The following CAPN8 variants were observed in gnomAD, a reference collection of about 807,000 sequenced individuals.
The protein encoded by CAPN8 is calpain-8.
CAPN8 carries 87 observed loss-of-function variants against 80.9 expected under a neutral mutation model. That is an observed-to-expected ratio of 1.07 (90% CI 0.90 to 1.28). The LOEUF is 1.28. Ranked by LOEUF, CAPN8 falls within the 50% of genes most tolerant of loss-of-function variation. The pLI, the probability that CAPN8 is intolerant of heterozygous loss-of-function variation, is 0.00. For missense variants in CAPN8, 757 were observed against 702.0 expected (o/e 1.08, Z -0.89); for synonymous variants, 299 against 273.8 (o/e 1.09, Z -0.91).
intron 9 of CAPN8, among the ~76,000 whole-genome samples, chr1:223,618,767 G>A (rs1657283275): frequency 6.6e-6 from 1 of 152,356 alleles, no homozygotes; most frequent in Admixed American, 6.5e-5. Flanking sequence ...ACATGGTTCA[G>A]GCTGCAGCTG....
intron 4 of CAPN8, 149 bp from the exon 5 acceptor site, chr1:223,627,306 T>G (rs1572242163): frequency 1.2e-6 from 1 of 840,470 alleles, no homozygotes; most frequent in East Asian, 2.7e-5. Flanking sequence ...GGAAGGTGCT[T>G]AGGCCACTGT....
intron 2 of CAPN8, among the ~76,000 whole-genome samples, chr1:223,631,487 T>G (rs1387087486): frequency 6.6e-6 from 1 of 152,106 alleles, no homozygotes. Flanking sequence ...TGTTTTTCTC[T>G]CTCCCTCATC....
At chr1:223,547,344 A>G (rs1656651842) in intron 16 of CAPN8, among the ~76,000 whole-genome samples, 1 of 152,242 alleles carries the variant, frequency 6.6e-6, no homozygotes, top group Admixed American at 6.5e-5. Flanking sequence ...TGTTCAGTAA[A>G]AAAAGTCAAT....
At chr1:223,661,124 C>T (rs909600018) in intron 1 of CAPN8, among the ~76,000 whole-genome samples, 1 of 150,038 alleles carries the variant, frequency 6.7e-6, no homozygotes, top group Non-Finnish European at 1.5e-5. Context: ...CAAGATTGAA[C>T]CACTGCAGTC....
At chr1:223,660,396 A>G (rs182128195) in intron 1 of CAPN8, among the ~76,000 whole-genome samples, 1 of 152,304 alleles carries the variant, frequency 6.6e-6, no homozygotes, top group African/African-American at 2.4e-5. Flanking sequence ...AACACCCCCG[A>G]TCTCACATAG....
chr1:223,548,599 G>A (rs1656695936), intron 16 of CAPN8, among the ~76,000 whole-genome samples: 1 of 152,176 alleles, frequency 6.6e-6, no homozygotes, highest in Non-Finnish European at 1.5e-5. Context: ...TGAAGTTATA[G>A]CAAGAAGATG....
intron 9 of CAPN8, 113 bp downstream of exon 9, chr1:223,619,180 C>A: frequency 1.6e-6 from 2 of 1,276,072 alleles, no homozygotes; most frequent in African/African-American, 3.0e-5. Context: ...GGGAACAGAG[C>A]AAGGCCCTGT....
chr1:223,618,330 A>G (rs1657265334), intron 9 of CAPN8: 1 of 1,549,468 alleles, frequency 6.5e-7, no homozygotes, highest in Non-Finnish European at 8.7e-7. Context: ...AAAGCTTCCC[A>G]CCTTGCACCA....
chr1:223,551,437 G>A (rs915986936), intron 14 of CAPN8, among the ~76,000 whole-genome samples: 15 of 152,060 alleles, frequency 9.9e-5, no homozygotes, highest in African/African-American at 2.9e-4. Context: ...CACCGTGCCC[G>A]GCTGGCCCTG....
At chr1:223,658,763 G>A (rs575090943) in intron 1 of CAPN8, among the ~76,000 whole-genome samples, 2 of 152,052 alleles carry the variant, frequency 1.3e-5, no homozygotes, top group Non-Finnish European at 2.9e-5. Flanking sequence ...CCAAGATCGC[G>A]CCACCGCACT....
At chr1:223,628,254 T>C (rs374285694) in intron 3 of CAPN8, 112 bp from the exon 4 acceptor site, 1 of 1,257,470 alleles carries the variant, frequency 8.0e-7, no homozygotes, top group African/African-American at 1.5e-5. Context: ...GAGTCTTGGC[T>C]CCTTAGGAGC....
At chr1:223,611,104 T>C (rs1270644987) in intron 11 of CAPN8, among the ~76,000 whole-genome samples, 3 of 152,228 alleles carry the variant, frequency 2.0e-5, no homozygotes, top group African/African-American at 7.2e-5. Flanking sequence ...AGCTCCATTG[T>C]GTGTGCACGT....
chr1:223,615,709 C>A (rs1657150836), intron 10 of CAPN8: 1 of 586,172 alleles, frequency 1.7e-6, no homozygotes, highest in Admixed American at 2.2e-5. Context: ...AACACATGTA[C>A]ACTGAGCCCT....
chr1:223,637,957 T>C (rs188015242), intron 2 of CAPN8, among the ~76,000 whole-genome samples: 265 of 152,300 alleles, frequency 1.7e-3, no homozygotes, highest in South Asian at 0.015. Context: ...CATCTGATAC[T>C]GAGCAAAAAG....
intron 7 of CAPN8, chr1:223,622,507 C>A: frequency 2.6e-6 from 1 of 379,652 alleles, no homozygotes; most frequent in South Asian, 3.5e-5. Context: ...TCGATTTGAC[C>A]TTTGGACCAG....
Position 223,628,733 on chromosome 1 carries a change from C to T in CAPN8, c.355G>A (p.Glu119Lys). ...CTGGGGACCACCCGGTAAAGCAGCT[C>T]TTCATTCAGGGTCAGGGAGGCAATG... ...AAIASLTLNE[E>K]LLYRVVPRDQ... The change falls in exon 3 of 21, where the codon GAG becomes AAG. Residue 119 changes from glutamate (E) to lysine (K), a missense_variant. Physicochemically the swap from Glu to Lys is moderately conservative, Grantham distance 56 (BLOSUM62 1). Coordinates refer to ENST00000366872, the MANE Select transcript of CAPN8 (RefSeq NM_001143962.2). 3.9e-6 allele frequency: 6 copies of T among 1,553,068 alleles called. No homozygotes were observed. The highest frequency in any genetic ancestry group is 5.2e-6 in the Non-Finnish European group (6 of 1,147,840).
chr1:223,619,525 C>G (rs1311895886), intron 8 of CAPN8, 72 bp from the exon 9 acceptor site: 1 of 1,503,478 alleles, frequency 6.7e-7, no homozygotes, highest in South Asian at 1.2e-5. Flanking sequence ...ATACTGAGCA[C>G]GGGAAGGAGC....
chr1:223,548,569 C>T (rs1656695079), intron 16 of CAPN8, among the ~76,000 whole-genome samples: 1 of 152,168 alleles, frequency 6.6e-6, no homozygotes, highest in Admixed American at 6.5e-5. Flanking sequence ...CCAGGAAACT[C>T]CCTCACCCCA....
At chr1:223,549,225 C>A in intron 16 of CAPN8, 93 bp downstream of exon 16, 4 of 1,486,772 alleles carry the variant, frequency 2.7e-6, no homozygotes, top group Non-Finnish European at 3.6e-6. Context: ...TCATTTTTTA[C>A]CCGTCCCTTC....
Sources: allele counts gnomAD v4.1 joint callset (sites outside exome capture counted in the v4.1 genomes callset), GRCh38; gene constraint gnomAD v4.1.1; transcripts MANE v1.5; gene names NCBI Gene and HGNC (gene_info 2026-07-23, HGNC 2026-07-21).